ATG7: variants seen among roughly 807,000 people sequenced by gnomAD.
ATG7 encodes the protein ubiquitin-like modifier-activating enzyme ATG7.
A neutral mutation model predicts 82.4 loss-of-function variants in ATG7; 70 were observed. The ratio of observed to expected loss-of-function variants is 0.85; its 90% CI spans 0.70 to 1.04. ATG7 has a LOEUF of 1.04. ATG7 is among the 50% of genes least tolerant of loss of function. The pLI is 0.00. For synonymous variants in ATG7, 287 were observed against 313.0 expected (o/e 0.92, Z 0.88); for missense variants, 792 against 864.3 (o/e 0.92, Z 1.05).
rs991651583 is a variant in ATG7 at position 11,334,672 on chromosome 3, C to A, written c.889+1579C>A. ...GGGGGAGGTGGTGTCAAAATCTCTT[C>A]CAAGGCCAGGCGCCGTGGGTTATGC... On this transcript the variant is annotated intron_variant, in intron 11 of 20. Coordinates refer to ENST00000693202, the MANE Select transcript of ATG7 (RefSeq NM_001349232.2). 2.0e-5 allele frequency among the ~76,000 whole-genome samples: 3 copies of A among 151,484 alleles called. No individual in the cohort carries two copies. In the East Asian group the frequency reaches 5.9e-4, roughly 30 times the overall value.
chr3:11,326,257 T>C (rs1218082648), intron 9 of ATG7, among the ~76,000 whole-genome samples: 1 of 151,694 alleles, frequency 6.6e-6, no homozygotes, highest in East Asian at 1.9e-4. Flanking sequence ...CTTCTCCCCC[T>C]TTTTACACTT....
chr3:11,434,305 AC>A (rs1345082529), intron 20 of ATG7, among the ~76,000 whole-genome samples: 21 of 152,106 alleles, frequency 1.4e-4, no homozygotes, highest in African/African-American at 4.3e-4. Flanking sequence ...GCTGTGGGAA[AC>A]CCCCGTGTCA....
At chr3:11,309,594 T>G (rs1045426779) in intron 7 of ATG7, among the ~76,000 whole-genome samples, 1 of 151,978 alleles carries the variant, frequency 6.6e-6, no homozygotes, top group African/African-American at 2.4e-5. Context: ...AGGATGTAGA[T>G]GGAAGGACCT....
At chr3:11,554,196 G>A (rs764469325) in intron 20 of ATG7, among the ~76,000 whole-genome samples, 10 of 152,224 alleles carry the variant, frequency 6.6e-5, no homozygotes, top group Non-Finnish European at 1.0e-4. Context: ...GCTCAGACTC[G>A]GAGGACACGC....
At position 11,486,370 on chromosome 3, in the gene ATG7, T is replaced by C. The variant is rs1301863401; in HGVS notation, c.2079+59444T>C. Among the ~76,000 whole-genome samples the C allele has an allele frequency of 3.3e-5, 5 of 152,342 alleles. No individual in the cohort carries two copies. The East Asian group carries it at 7.7e-4, about 23-fold the overall frequency. On this transcript the variant is annotated intron_variant, in intron 20 of 20. Coordinates refer to ENST00000693202, the MANE Select transcript of ATG7 (RefSeq NM_001349232.2). Reference sequence around the variant, plus strand: ...TATTGCTGTATAAGAATGCTTGTGATTTTTGCACATTGATTTTGTATACTG... The same window carrying C: ...TATTGCTGTATAAGAATGCTTGTGACTTTTGCACATTGATTTTGTATACTG...
intron 15 of ATG7, among the ~76,000 whole-genome samples, chr3:11,359,388 A>C (rs2076142898): frequency 6.6e-6 from 1 of 152,182 alleles, no homozygotes; most frequent in Non-Finnish European, 1.5e-5. Flanking sequence ...AAGTTGTTAT[A>C]GTATAATGAA....
chr3:11,453,531 A>T (rs1384417389), intron 20 of ATG7, among the ~76,000 whole-genome samples: 2 of 152,118 alleles, frequency 1.3e-5, no homozygotes, highest in African/African-American at 2.4e-5. Context: ...TATTTAAAAG[A>T]CCCTAAAGTG....
At chr3:11,292,407 GCA>G (rs1945138606) in intron 3 of ATG7, among the ~76,000 whole-genome samples, 1 of 151,946 alleles carries the variant, frequency 6.6e-6, no homozygotes, top group Non-Finnish European at 1.5e-5. Context: ...TTACAGGCGT[GCA>G]CCACCACACC....
At chr3:11,543,301 C>A (rs934381500) in intron 20 of ATG7, among the ~76,000 whole-genome samples, 11 of 152,224 alleles carry the variant, frequency 7.2e-5, no homozygotes, top group African/African-American at 2.7e-4. Context: ...AGTGCACGTG[C>A]TCTCTGGACT....
At chr3:11,563,123 G>A in the ATG7 span, among the ~76,000 whole-genome samples, 8 of 152,316 alleles carry the variant, frequency 5.3e-5, no homozygotes, top group East Asian at 1.9e-4. Flanking sequence ...CACTAAGCCC[G>A]CCAAGGGCCC....
intron 20 of ATG7, among the ~76,000 whole-genome samples, chr3:11,484,833 G>A (rs554459039): frequency 1.4e-4 from 22 of 152,206 alleles, no homozygotes; most frequent in African/African-American, 5.3e-4. Context: ...TGAGAATGAT[G>A]ATTTCCAATT....
chr3:11,473,373 C>G lies in ATG7; in HGVS notation c.2079+46447C>G, dbSNP rs534447191. 3.9e-5 allele frequency among the ~76,000 whole-genome samples: 6 copies of G among 152,268 alleles called. No homozygotes were observed. In the East Asian group the frequency reaches 1.2e-3, roughly 29 times the overall value. The stretch of plus-strand genomic sequence containing the variant: ...CAACAGGACTTTCCTGCAAATCATC[C>G]CATTTATTTTTCATAGCATCCCTTT... On this transcript the variant is annotated intron_variant, in intron 20 of 20. Coordinates refer to ENST00000693202, the MANE Select transcript of ATG7 (RefSeq NM_001349232.2).
intron 1 of ATG7, among the ~76,000 whole-genome samples, chr3:11,275,217 A>G (rs1239919815): frequency 6.6e-6 from 1 of 152,196 alleles, no homozygotes; most frequent in Admixed American, 6.5e-5. Context: ...ATTGAGCAGT[A>G]ACAAAATTCT....
intron 20 of ATG7, among the ~76,000 whole-genome samples, chr3:11,435,264 A>T (rs1179990692): frequency 6.6e-6 from 1 of 152,174 alleles, no homozygotes; most frequent in Non-Finnish European, 1.5e-5. Context: ...AACATTGCTT[A>T]TACTTTGTAT....
intron 19 of ATG7, among the ~76,000 whole-genome samples, chr3:11,403,559 T>G (rs1046947282): frequency 6.6e-6 from 1 of 152,170 alleles, no homozygotes; most frequent in African/African-American, 2.4e-5. Flanking sequence ...TTTTTAAGGT[T>G]TTTTCTTCTG....
intron 20 of ATG7, among the ~76,000 whole-genome samples, chr3:11,532,762 G>C (rs1004603397): frequency 6.6e-6 from 1 of 152,162 alleles, no homozygotes; most frequent in South Asian, 2.1e-4. Context: ...AAGAAATGAG[G>C]TTAACAATAA....
intron 20 of ATG7, among the ~76,000 whole-genome samples, chr3:11,449,995 G>T (rs900601541): frequency 3.9e-5 from 6 of 152,216 alleles, no homozygotes; most frequent in South Asian, 2.1e-4. Flanking sequence ...CCTGGCAGGG[G>T]GTGGGAGGAG....
chr3:11,431,108 C>G (rs1190423715), intron 20 of ATG7, among the ~76,000 whole-genome samples: 2 of 152,196 alleles, frequency 1.3e-5, no homozygotes, highest in Non-Finnish European at 2.9e-5. Flanking sequence ...TACCATAAAA[C>G]ACACCATTTT....
the ATG7 span, among the ~76,000 whole-genome samples, chr3:11,570,289 T>C: frequency 2.6e-5 from 4 of 151,682 alleles, no homozygotes; most frequent in African/African-American, 7.3e-5. Flanking sequence ...CCAGGAGGCC[T>C]TTCCGACCCA....
Sources: allele counts gnomAD v4.1 joint callset (sites outside exome capture counted in the v4.1 genomes callset), GRCh38; gene constraint gnomAD v4.1.1; transcripts MANE v1.5; gene names NCBI Gene and HGNC (gene_info 2026-07-23, HGNC 2026-07-21).